Variants in CCDC175 observed in about 807,000 individuals in gnomAD.
CCDC175 encodes the protein coiled-coil domain-containing protein 175.
CCDC175 carries 100 observed loss-of-function variants against 114.6 expected under a neutral mutation model. The observed-to-expected ratio is 0.87, with a 90% CI of 0.74 to 1.03. The LOEUF (loss-of-function observed/expected upper bound fraction) is 1.03, where lower values mean the gene tolerates loss of function less well. CCDC175 is among the 50% of genes least tolerant of loss of function. The pLI, the probability that CCDC175 is intolerant of heterozygous loss-of-function variation, is 0.00. For synonymous variants in CCDC175, 306 were observed against 308.7 expected, an observed-to-expected ratio of 0.99 and a Z score of 0.09; for missense variants, 880 against 917.8, an observed-to-expected ratio of 0.96 and a Z score of 0.53.
At chr14:59,576,568 A>G in intron 1 of CCDC175, 51 bp downstream of exon 1, 1 of 1,360,350 alleles carries the variant, frequency 7.4e-7, no homozygotes, top group Non-Finnish European at 9.4e-7. Context: ...AGTGCCTCCT[A>G]AGCGCCACCT....
intron 2 of CCDC175, among the ~76,000 whole-genome samples, chr14:59,574,190 G>A (rs576275868): frequency 6.6e-6 from 1 of 152,162 alleles, no homozygotes; most frequent in Non-Finnish European, 1.5e-5. Context: ...ATATAAAGTA[G>A]TAAGAGTTTT....
intron 8 of CCDC175, among the ~76,000 whole-genome samples, chr14:59,546,086 T>A (rs865807545): frequency 1.3e-4 from 20 of 152,140 alleles, no homozygotes; most frequent in African/African-American, 4.6e-4. Flanking sequence ...GAACAGTGGA[T>A]TGGATAAAGA....
Position 59,551,430 on chromosome 14 carries a change from A to T in CCDC175, c.960T>A (p.Phe320Leu), listed in dbSNP as rs1283255988. The T allele has an allele frequency of 7.0e-7, 1 of 1,429,286 alleles. No homozygotes were observed. Among genetic ancestry groups the T allele is most frequent in the African/African-American group, 1.4e-5 (1 of 69,072 alleles). 88.5% of individuals were successfully genotyped at this position (1,429,286 alleles called of 1,614,324 possible). ...DLAILEAKLCFFTDNKEKLDD... is the reference protein window; with the variant it reads ...DLAILEAKLCLFTDNKEKLDD... ...CTAGTTTTTCTTTGTTATCTGTGAA[A>T]AAACACCTATGAACAAAGGAAGCCA... The change falls in exon 8 of 20, where the codon TTT becomes TTA. Residue 320 changes from phenylalanine to leucine, a missense_variant. Physicochemically the swap from Phe to Leu is conservative, Grantham distance 22. Coordinates refer to ENST00000537690, the MANE Select transcript of CCDC175 (RefSeq NM_001164399.2).
chr14:59,515,003 G>A (rs1007323263), intron 17 of CCDC175, among the ~76,000 whole-genome samples: 4 of 152,134 alleles, frequency 2.6e-5, no homozygotes, highest in Non-Finnish European at 5.9e-5. Context: ...GAGAGTGGGG[G>A]CCAATATTCA....
chr14:59,507,908 T>A (rs1326895729), intron 19 of CCDC175, among the ~76,000 whole-genome samples: 2 of 152,192 alleles, frequency 1.3e-5, no homozygotes, highest in African/African-American at 4.8e-5. Context: ...CGCTGGAGGC[T>A]ATATGACCAA....
At chr14:59,506,545 C>G (rs1009835711) in intron 19 of CCDC175, among the ~76,000 whole-genome samples, 4 of 152,082 alleles carry the variant, frequency 2.6e-5, no homozygotes, top group Non-Finnish European at 5.9e-5. Flanking sequence ...ACCTCAGCCT[C>G]CCAAAGTACT....
chr14:59,523,464 T>TA (rs1475987739), intron 16 of CCDC175, among the ~76,000 whole-genome samples: 4 of 151,960 alleles, frequency 2.6e-5, no homozygotes, highest in Non-Finnish European at 4.4e-5. Flanking sequence ...TTAAAACTTC[T>TA]AAAAAAAATA....
At chr14:59,533,035 TTGGGAGGTG>T (rs1894160243) in intron 13 of CCDC175, among the ~76,000 whole-genome samples, 1 of 152,202 alleles carries the variant, frequency 6.6e-6, no homozygotes, top group Admixed American at 6.5e-5. Context: ...TGCTTCCTTA[TTGGGAGGTG>T]TCTGCACAAG....
intron 8 of CCDC175, among the ~76,000 whole-genome samples, chr14:59,548,914 G>A (rs1008116606): frequency 6.6e-6 from 1 of 152,192 alleles, no homozygotes; most frequent in African/African-American, 2.4e-5. Context: ...CAGATATTAT[G>A]CTTTGTAAAA....
intron 7 of CCDC175, among the ~76,000 whole-genome samples, chr14:59,559,106 C>T (rs886083538): frequency 2.0e-5 from 3 of 152,100 alleles, no homozygotes. Context: ...TCTGAAACCA[C>T]GTTGGCGCAA....
intron 14 of CCDC175, among the ~76,000 whole-genome samples, chr14:59,530,301 A>G (rs993424857): frequency 6.6e-6 from 1 of 152,016 alleles, no homozygotes. Flanking sequence ...CAGGAGGTGG[A>G]GGTTGCAGTG....
chr14:59,537,909 T>TTG, intron 13 of CCDC175, 114 bp downstream of exon 13: 1 of 667,198 alleles, frequency 1.5e-6, no homozygotes, highest in East Asian at 3.5e-5. Context: ...TGTAGCCTCT[T>TTG]TCATACTAGA....
chr14:59,554,125 T>A (rs1389364547), intron 7 of CCDC175, among the ~76,000 whole-genome samples: 2 of 152,200 alleles, frequency 1.3e-5, no homozygotes, highest in East Asian at 3.8e-4. Context: ...CTAATAGACA[T>A]CTACAGAACT....
At chr14:59,552,349 G>A (rs916351893) in intron 7 of CCDC175, among the ~76,000 whole-genome samples, 4 of 152,214 alleles carry the variant, frequency 2.6e-5, no homozygotes, top group African/African-American at 9.6e-5. Context: ...CTGACACCCA[G>A]GCAAACAGGG....
intron 4 of CCDC175, among the ~76,000 whole-genome samples, chr14:59,565,616 A>T (rs548266273): frequency 2.0e-5 from 3 of 152,156 alleles, no homozygotes; most frequent in Admixed American, 2.0e-4. Flanking sequence ...CTGAGGCAGG[A>T]TAATTGCTTG....
In CCDC175 at chr14:59,538,038, C is replaced by T. The variant is rs1033921219; in HGVS notation, c.1608G>A (p.Glu536=). Residue 536 remains glutamate (E), a synonymous_variant, in exon 13 of 20, where the codon GAG becomes GAA. Transcript: ENST00000537690. ...FVNKEKMLMK[E]LSKYEEIFVK... The stretch of plus-strand genomic sequence containing the variant: ...TAAAATTTACCTCATACTTGCTTAA[C>T]TCTTTCATTAACATTTTTTCTTTGT... The T allele has an allele frequency of 2.0e-6, 3 of 1,528,352 alleles. No homozygotes were observed. Among genetic ancestry groups the T allele is most frequent in the African/African-American group, 2.7e-5 (2 of 72,754 alleles). The allele number at this position is 1,528,352 out of a possible 1,614,324, so 94.7% of individuals were successfully genotyped here.
intron 7 of CCDC175, among the ~76,000 whole-genome samples, chr14:59,556,864 A>G (rs1163564740): frequency 6.6e-6 from 1 of 152,194 alleles, no homozygotes; most frequent in Non-Finnish European, 1.5e-5. Context: ...TACATGAAAA[A>G]ATGCTCATCA....
intron 6 of CCDC175, among the ~76,000 whole-genome samples, chr14:59,563,450 T>G (rs1257939713): frequency 6.6e-6 from 1 of 152,196 alleles, no homozygotes; most frequent in Non-Finnish European, 1.5e-5. Context: ...GTTATATGTA[T>G]CAATACATTT....
chr14:59,524,452 C>CA (rs34463421), intron 16 of CCDC175, among the ~76,000 whole-genome samples: 7 of 151,980 alleles, frequency 4.6e-5, no homozygotes, highest in African/African-American at 1.7e-4. Context: ...AGTCACTTCA[C>CA]AAAAAAAGGA....
Sources: allele counts gnomAD v4.1 joint callset (sites outside exome capture counted in the v4.1 genomes callset), GRCh38; gene constraint gnomAD v4.1.1; transcripts MANE v1.5; gene names NCBI Gene and HGNC (gene_info 2026-07-23, HGNC 2026-07-21).